Variants in GLIS3 observed in about 807,000 individuals in gnomAD.
GLIS3 encodes the protein zinc finger protein GLIS3.
GLIS3 carries 53 observed loss-of-function variants against 78.6 expected under a neutral mutation model. The observed-to-expected ratio is 0.67, with a 90% CI of 0.54 to 0.85. GLIS3 has a LOEUF of 0.85. Among genes scored for constraint, GLIS3 ranks in the 40% least tolerant of loss-of-function variants. GLIS3 has a pLI of 0.00. For missense variants in GLIS3, 1,703 were observed against 1,231.1 expected (o/e 1.38, Z -5.74); for synonymous variants, 684 against 509.9 (o/e 1.34, Z -4.60).
chr9:3,959,074 C>G (rs201261179), intron 4 of GLIS3, among the ~76,000 whole-genome samples: 2 of 152,150 alleles, frequency 1.3e-5, no homozygotes, highest in East Asian at 1.9e-4. Flanking sequence ...ATGTTTGTAT[C>G]CCTGCAAAAT....
At chr9:4,267,154 T>C (rs549476001) in intron 2 of GLIS3, among the ~76,000 whole-genome samples, 1 of 152,206 alleles carries the variant, frequency 6.6e-6, no homozygotes, top group East Asian at 1.9e-4. Flanking sequence ...CACACACCCA[T>C]GTCCCCTTCC....
intron 2 of GLIS3, among the ~76,000 whole-genome samples, chr9:4,150,300 C>A (rs1034431248): frequency 1.3e-5 from 2 of 152,200 alleles, no homozygotes; most frequent in African/African-American, 4.8e-5. Flanking sequence ...AGAGTCCAAC[C>A]AGCCACTGAC....
intron 2 of GLIS3, among the ~76,000 whole-genome samples, chr9:4,328,167 T>C (rs1817630523): frequency 6.6e-6 from 1 of 152,180 alleles, no homozygotes; most frequent in South Asian, 2.1e-4. Context: ...AGTCATGTCC[T>C]GTTAGAATCT....
At chr9:4,190,870 G>T (rs146495550) in intron 2 of GLIS3, among the ~76,000 whole-genome samples, 1,947 of 152,222 alleles carry the variant, frequency 0.013, 43 homozygotes, top group African/African-American at 0.044. Context: ...GACAGTGGGG[G>T]CCAATATGCA....
chr9:4,082,170 G>A (rs1238552770), intron 4 of GLIS3, among the ~76,000 whole-genome samples: 1 of 152,172 alleles, frequency 6.6e-6, no homozygotes. Flanking sequence ...GGAAATAATT[G>A]CATCTCCGAG....
intron 2 of GLIS3, among the ~76,000 whole-genome samples, chr9:4,155,162 T>C (rs1420946800): frequency 6.6e-6 from 1 of 152,202 alleles, no homozygotes; most frequent in Non-Finnish European, 1.5e-5. Context: ...GCAATAAACA[T>C]ACATAATTTT....
the GLIS3 span, among the ~76,000 whole-genome samples, chr9:4,408,635 G>T: frequency 3.5e-5 from 5 of 144,028 alleles, no homozygotes; most frequent in African/African-American, 1.3e-4. Context: ...GCTGAGGCAG[G>T]AGAATGGCGT....
chr9:4,430,607 A>G, the GLIS3 span, among the ~76,000 whole-genome samples: 1 of 152,210 alleles, frequency 6.6e-6, no homozygotes, highest in South Asian at 2.1e-4. Flanking sequence ...CAAGATCACT[A>G]TGTTCTGATA....
chr9:4,055,439 C>T (rs1336920514), intron 4 of GLIS3, among the ~76,000 whole-genome samples: 1 of 152,146 alleles, frequency 6.6e-6, no homozygotes. Context: ...AGTTCAGGGC[C>T]TGACCATGGG....
intron 9 of GLIS3, among the ~76,000 whole-genome samples, chr9:3,847,836 G>A (rs957703432): frequency 1.3e-5 from 2 of 152,320 alleles, no homozygotes; most frequent in Admixed American, 6.5e-5. Context: ...TTAAGTATAT[G>A]AGAGTAATTA....
At chr9:4,011,159 C>T (rs1821973258) in intron 4 of GLIS3, among the ~76,000 whole-genome samples, 1 of 152,040 alleles carries the variant, frequency 6.6e-6, no homozygotes, top group African/African-American at 2.4e-5. Flanking sequence ...AAAATGCATG[C>T]CAGTTTTATG....
intron 2 of GLIS3, among the ~76,000 whole-genome samples, chr9:4,159,620 G>T (rs1835320643): frequency 1.3e-5 from 2 of 152,100 alleles, no homozygotes; most frequent in South Asian, 4.1e-4. Flanking sequence ...TGGGGAGGCT[G>T]AGGCAGGGAA....
intron 4 of GLIS3, among the ~76,000 whole-genome samples, chr9:4,007,229 T>A (rs1196834621): frequency 6.6e-6 from 1 of 152,072 alleles, no homozygotes; most frequent in East Asian, 1.9e-4. Flanking sequence ...GCCCCTAAAA[T>A]AGGGGGGACA....
chr9:4,353,372 C>G (rs543787706), upstream of GLIS3, among the ~76,000 whole-genome samples: 40 of 152,170 alleles, frequency 2.6e-4, no homozygotes, highest in African/African-American at 8.9e-4. Context: ...TTTCAGGCAG[C>G]TTTCTTTAAA....
At chr9:4,117,567 T>C (rs577776987) in intron 4 of GLIS3, among the ~76,000 whole-genome samples, 1 of 152,262 alleles carries the variant, frequency 6.6e-6, no homozygotes, top group East Asian at 1.9e-4. Context: ...TCGTGTACCT[T>C]TGCAGAAGGA....
intron 2 of GLIS3, among the ~76,000 whole-genome samples, chr9:4,274,009 C>T (rs1281338460): frequency 6.6e-6 from 1 of 152,196 alleles, no homozygotes; most frequent in African/African-American, 2.4e-5. Flanking sequence ...CATTCTCCTA[C>T]TCCAGGACAT....
At chr9:4,146,796 T>A (rs897660914) in intron 2 of GLIS3, among the ~76,000 whole-genome samples, 3 of 152,212 alleles carry the variant, frequency 2.0e-5, no homozygotes, top group African/African-American at 7.2e-5. Context: ...AATTAAACAG[T>A]TCTCTAGATA....
At chr9:4,187,922 T>G (rs1024286963) in intron 2 of GLIS3, among the ~76,000 whole-genome samples, 1 of 152,044 alleles carries the variant, frequency 6.6e-6, no homozygotes, top group African/African-American at 2.4e-5. Context: ...TTTCTAGATA[T>G]ACAATCATGT....
At chr9:3,952,264 G>T (rs1230057788) in intron 4 of GLIS3, among the ~76,000 whole-genome samples, 2 of 152,064 alleles carry the variant, frequency 1.3e-5, no homozygotes, top group African/African-American at 4.8e-5. Context: ...ACTGACACAG[G>T]TTTACTTCTT....
Sources: gnomAD v4.1 joint callset for allele counts (sites outside exome capture counted in the v4.1 genomes callset) on GRCh38, gnomAD v4.1.1 for gene constraint, MANE v1.5 for transcripts, NCBI Gene and HGNC (gene_info 2026-07-23, HGNC 2026-07-21) for gene names.